The following FBXL4 variants were observed in gnomAD, a reference collection of about 807,000 sequenced individuals.
FBXL4 encodes the protein F-box and leucine rich repeat protein 4.
A neutral mutation model predicts 58.9 loss-of-function variants in FBXL4; 40 were observed. That is an observed-to-expected ratio of 0.68 (90% confidence interval 0.53 to 0.88). The LOEUF is 0.88. Ranked by LOEUF, FBXL4 falls within the 40% of genes least tolerant of loss-of-function variation. The probability of loss-of-function intolerance (pLI) is 0.00; values close to 1 mark genes in which losing one functional copy is unlikely to be tolerated. For missense variants in FBXL4, 676 were observed against 734.4 expected (o/e 0.92, Z 0.92); for synonymous variants, 263 against 265.5 (o/e 0.99, Z 0.09).
At chr6:98,900,274 A>T (rs1771557577) in intron 6 of FBXL4, among the ~76,000 whole-genome samples, 2 of 152,186 alleles carry the variant, frequency 1.3e-5, no homozygotes, top group Admixed American at 1.3e-4. Context: ...AAGCAAACTG[A>T]ACCCTCTTAA....
At chr6:98,890,361 A>G (rs1716266524) in intron 7 of FBXL4, among the ~76,000 whole-genome samples, 1 of 152,200 alleles carries the variant, frequency 6.6e-6, no homozygotes, top group Admixed American at 6.5e-5. Context: ...GTGATCAGAA[A>G]CAAATGTACT....
chr6:98,900,793 C>A (rs937368483), intron 6 of FBXL4, among the ~76,000 whole-genome samples: 1 of 152,142 alleles, frequency 6.6e-6, no homozygotes, highest in Non-Finnish European at 1.5e-5. Context: ...CGTGAACACC[C>A]GTTTATTCTA....
At chr6:98,901,860 C>G (rs1771624657) in intron 6 of FBXL4, among the ~76,000 whole-genome samples, 1 of 152,084 alleles carries the variant, frequency 6.6e-6, no homozygotes, top group Non-Finnish European at 1.5e-5. Flanking sequence ...TTGTTTACTT[C>G]CTGCAGTCAA....
At chr6:98,932,787 A>G (rs1343860758) in intron 2 of FBXL4, among the ~76,000 whole-genome samples, 1 of 152,188 alleles carries the variant, frequency 6.6e-6, no homozygotes, top group African/African-American at 2.4e-5. Flanking sequence ...GTTATACTAC[A>G]GTGAAAAAAC....
intron 4 of FBXL4, among the ~76,000 whole-genome samples, chr6:98,920,894 C>A (rs1342647954): frequency 6.6e-6 from 1 of 151,784 alleles, no homozygotes; most frequent in Non-Finnish European, 1.5e-5. Flanking sequence ...TCTCTAGCCC[C>A]AGGGCAGTGT....
chr6:98,886,596 A>T (rs1771047492), intron 7 of FBXL4, among the ~76,000 whole-genome samples: 1 of 151,954 alleles, frequency 6.6e-6, no homozygotes, highest in East Asian at 1.9e-4. Flanking sequence ...CCATCTCCTG[A>T]CCCCATCTTT....
intron 7 of FBXL4, among the ~76,000 whole-genome samples, chr6:98,891,626 C>T (rs1363811955): frequency 6.7e-6 from 1 of 149,566 alleles, no homozygotes; most frequent in Non-Finnish European, 1.5e-5. Context: ...GTGGCTCATG[C>T]ATATAATCCA....
rs903664060 is a variant in FBXL4 at position 98,870,059 on chromosome 6, A to G, written c.*4219T>C. 1 of 152,192 alleles carries G rather than the reference A, an allele frequency of 6.6e-6. No homozygotes were observed. Among genetic ancestry groups the G allele is most frequent in the African/African-American group, 2.4e-5 (1 of 41,450 alleles). 9.4% of individuals were successfully genotyped at this position (152,192 alleles called of 1,614,324 possible). On this transcript the variant is annotated 3_prime_UTR_variant, in exon 10 of 10. Coordinates refer to ENST00000369244, the MANE Select transcript of FBXL4 (RefSeq NM_001278716.2). ...CACCTGGCTTCAAAATTTAACAAAC[A>G]AAGAGTCTACATAAATATCTTTCTT... is the stretch of plus-strand genomic sequence containing the variant.
chr6:98,905,657 A>G lies in FBXL4; in HGVS notation c.872T>C (p.Ile291Thr), dbSNP rs376597046. ...DKLPYELIQL[I>T]LNHLTLPDLC... ...GTCTGGTAGTGTAAGATGATTCAGAATCAGCTGAATAAGCTAAATAAGACA... is the reference window on the plus strand; with the variant it reads ...GTCTGGTAGTGTAAGATGATTCAGAGTCAGCTGAATAAGCTAAATAAGACA... The change falls in exon 6 of 10, where the codon ATT becomes ACT. Residue 291 changes from isoleucine to threonine, a missense_variant. By Grantham distance (89) the Ile-to-Thr change is moderately conservative. Coordinates refer to ENST00000369244, the MANE Select transcript of FBXL4 (RefSeq NM_001278716.2). The G allele has an allele frequency of 6.2e-7, 1 of 1,613,668 alleles. No homozygotes were observed. Among genetic ancestry groups the G allele is most frequent in the Non-Finnish European group, 8.5e-7 (1 of 1,179,720 alleles).
chr6:98,890,697 T>C (rs575212302), intron 7 of FBXL4, among the ~76,000 whole-genome samples: 11 of 152,274 alleles, frequency 7.2e-5, no homozygotes, highest in African/African-American at 2.6e-4. Context: ...GGCCGGCAGA[T>C]CACTTGAGGT....
chr6:98,915,214 G>A (rs1367937227), intron 5 of FBXL4, among the ~76,000 whole-genome samples: 3 of 151,414 alleles, frequency 2.0e-5, no homozygotes, highest in South Asian at 4.2e-4. Context: ...TGGGTAGGAA[G>A]AATCAATATC....
chr6:98,926,172 G>A (rs967722575), intron 4 of FBXL4, among the ~76,000 whole-genome samples: 22 of 152,048 alleles, frequency 1.4e-4, no homozygotes, highest in Non-Finnish European at 1.2e-4. Flanking sequence ...GTCATATTTC[G>A]TACTAACGTC....
rs1422561178 is a variant in FBXL4, at chr6:98,935,085, G to A, written c.-308-206C>T. ...AAGTCAAGTAGGAATGAATTTATCAGAAAACAAGAGATAAGATTTAGAACC... is the reference window on the plus strand; with the variant it reads ...AAGTCAAGTAGGAATGAATTTATCAAAAAACAAGAGATAAGATTTAGAACC... On this transcript the variant is annotated intron_variant, in intron 1 of 9. Transcript: ENST00000369244. 2.0e-5 allele frequency among the ~76,000 whole-genome samples: 3 copies of A among 152,188 alleles called. No homozygotes were observed. In the East Asian group the frequency reaches 5.8e-4, roughly 29 times the overall value.
At chr6:98,941,613 G>A (rs773665713) in intron 1 of FBXL4, among the ~76,000 whole-genome samples, 1 of 152,156 alleles carries the variant, frequency 6.6e-6, no homozygotes, top group Admixed American at 6.6e-5. Context: ...CTGCCCACTT[G>A]TTCTGCCCAG....
At chr6:98,936,909 T>C (rs191634458) in intron 1 of FBXL4, among the ~76,000 whole-genome samples, 15 of 152,330 alleles carry the variant, frequency 9.8e-5, no homozygotes, top group African/African-American at 3.6e-4. Flanking sequence ...CATGATGCTA[T>C]GTGTTAAGAG....
At position 98,925,178 on chromosome 6, in the gene FBXL4, G is replaced by T. The variant is rs572039012; in HGVS notation, c.512+1299C>A. On this transcript the variant is annotated intron_variant, in intron 4 of 9. Transcript: ENST00000369244. ...GATTTCAACCTCAGAGATAATAAAA[G>T]AATTTTAACAGTTAACATGAGATAA... Among the ~76,000 whole-genome samples the T allele has an allele frequency of 1.1e-4, 16 of 152,146 alleles. No individual in the cohort carries two copies. The South Asian group carries it at 3.3e-3, about 32-fold the overall frequency.
chr6:98,907,209 A>G (rs1241836264), intron 5 of FBXL4, among the ~76,000 whole-genome samples: 3 of 152,214 alleles, frequency 2.0e-5, no homozygotes, highest in Non-Finnish European at 4.4e-5. Context: ...AGTGGCAAAG[A>G]CTGTGTTATG....
chr6:98,912,505 G>C (rs999340987), intron 5 of FBXL4, among the ~76,000 whole-genome samples: 17 of 152,182 alleles, frequency 1.1e-4, no homozygotes, highest in Non-Finnish European at 2.9e-5. Flanking sequence ...AGCCAGAAGA[G>C]AGTGGGGGCC....
At chr6:98,877,873 A>G (rs1241540835) in intron 8 of FBXL4, among the ~76,000 whole-genome samples, 1 of 152,198 alleles carries the variant, frequency 6.6e-6, no homozygotes, top group Non-Finnish European at 1.5e-5. Flanking sequence ...AGAAATAGAT[A>G]AAATTTGTCT....
Sources: allele counts gnomAD v4.1 joint callset (sites outside exome capture counted in the v4.1 genomes callset), GRCh38; gene constraint gnomAD v4.1.1; transcripts MANE v1.5; gene names NCBI Gene and HGNC (gene_info 2026-07-23, HGNC 2026-07-21).